TICRR: variants seen among roughly 807,000 people sequenced by gnomAD.
TICRR encodes the protein treslin.
TICRR carries 132 observed loss-of-function variants against 178.1 expected under a neutral mutation model. That is an observed-to-expected ratio of 0.74 (90% CI 0.64 to 0.86). The LOEUF is 0.86. Ranked by LOEUF, TICRR falls within the 40% of genes least tolerant of loss-of-function variation. TICRR has a pLI of 0.00. For missense variants in TICRR, 2,587 were observed against 2,334.3 expected, an observed-to-expected ratio of 1.11 and a Z score of -2.23; for synonymous variants, 991 against 900.7, an observed-to-expected ratio of 1.10 and a Z score of -1.79.
In TICRR at chr15:89,611,721, C is replaced by A. The variant is rs569036797; in HGVS notation, c.2869+2772C>A. ...TGGATAATTTCAATTACCTTATCTT[C>A]ACGTTCACTGATTCTTCTGCCAGCT... On this transcript the variant is annotated intron_variant, in intron 15 of 21. Coordinates refer to ENST00000268138, the MANE Select transcript of TICRR (RefSeq NM_152259.4). Among the ~76,000 whole-genome samples, 8 of 151,968 alleles carry A rather than the reference C, an allele frequency of 5.3e-5. No homozygotes were observed. The South Asian group carries it at 1.7e-3, about 32-fold the overall frequency.
In TICRR at chr15:89,576,255, T is replaced by C; in HGVS notation, c.654+15T>C. The C allele has an allele frequency of 6.5e-7, 1 of 1,529,928 alleles. No homozygotes were observed. Among genetic ancestry groups the C allele is most frequent in the Non-Finnish European group, 8.7e-7 (1 of 1,143,576 alleles). The allele number at this position is 1,529,928 out of a possible 1,614,324, so 94.8% of individuals were successfully genotyped here. ...AATGGTCTAAGGTAAGGAAGGTTACTGTCGTCTCAGATGGCGTGCACGGTG... is the reference window on the plus strand; with the variant it reads ...AATGGTCTAAGGTAAGGAAGGTTACCGTCGTCTCAGATGGCGTGCACGGTG... On this transcript the variant is annotated intron_variant, in intron 1 of 21. Transcript: ENST00000268138.
intron 3 of TICRR, among the ~76,000 whole-genome samples, 196 bp from the exon 4 acceptor site, chr15:89,585,512 T>C (rs1057160174): frequency 9.2e-5 from 14 of 152,196 alleles, no homozygotes; most frequent in Non-Finnish European, 1.6e-4. Context: ...AGGTTTTACT[T>C]ATTTGTAAGT....
intron 15 of TICRR, among the ~76,000 whole-genome samples, chr15:89,615,524 A>G (rs1273193788): frequency 6.6e-6 from 1 of 152,196 alleles, no homozygotes; most frequent in African/African-American, 2.4e-5. Context: ...CAAACCTTTA[A>G]TTAATGTTCA....
chr15:89,596,117 C>G (rs879351324), intron 7 of TICRR, among the ~76,000 whole-genome samples: 2 of 152,080 alleles, frequency 1.3e-5, no homozygotes, highest in Admixed American at 1.3e-4. Context: ...TAGACCTGCA[C>G]AATAGTGGGC....
chr15:89,594,408 T>C lies in TICRR; in HGVS notation c.1542-7T>C. 1 of 1,598,356 alleles carries C rather than the reference T, an allele frequency of 6.3e-7. No individual in the cohort carries two copies. ...TTGGTTTTATTCTAGACATCTTGAC[T>C]TCACAGGTTACTACAGGCTGCCTCA... On this transcript the variant is annotated splice_polypyrimidine_tract_variant and splice_region_variant and intron_variant, in intron 5 of 21. Coordinates refer to ENST00000268138, the MANE Select transcript of TICRR (RefSeq NM_152259.4).
At position 89,627,485 on chromosome 15, in the gene TICRR, C is replaced by T. The variant is rs999427892; in HGVS notation, c.*399C>T. The T allele has an allele frequency of 3.9e-5, 8 of 203,472 alleles. No individual in the cohort carries two copies. The highest frequency in any genetic ancestry group is 6.9e-5 in the Non-Finnish European group (7 of 101,204). The allele number at this position is 203,472 out of a possible 1,614,324, so 12.6% of individuals were successfully genotyped here. A position where few individuals can be genotyped will look rare whatever the true frequency, so the allele number is the denominator to read the frequency against. Reference sequence around the variant, plus strand: ...GCTGTAAGGCTGGGCTGCTGCGACACAGGCAGCGCTTTGTAAACTGTGAAG... The same window carrying T: ...GCTGTAAGGCTGGGCTGCTGCGACATAGGCAGCGCTTTGTAAACTGTGAAG... On this transcript the variant is annotated 3_prime_UTR_variant, in exon 22 of 22. Coordinates refer to ENST00000268138, the MANE Select transcript of TICRR (RefSeq NM_152259.4).
chr15:89,576,021 C>T lies in TICRR; in HGVS notation c.435C>T (p.Ala145=), dbSNP rs1363396867. 6.2e-7 allele frequency: 1 copy of T among 1,609,414 alleles called. No homozygotes were observed. Among genetic ancestry groups the T allele is most frequent in the Non-Finnish European group, 8.5e-7 (1 of 1,178,750 alleles). The change falls in exon 1 of 22, where the codon GCC becomes GCT. Residue 145 remains alanine (A), a synonymous_variant. Transcript: ENST00000268138. ...AGAGCGAGGCCAAGGAGGCCGAGGCCGCGCTCGGGGGCTTGGTGAACGCCG... is the reference window on the plus strand; with the variant it reads ...AGAGCGAGGCCAAGGAGGCCGAGGCTGCGCTCGGGGGCTTGGTGAACGCCG... ...DVESEAKEAE[A]ALGGLVNAVF...
intron 17 of TICRR, 130 bp from the exon 18 acceptor site, chr15:89,619,578 A>T: frequency 1.0e-6 from 1 of 955,876 alleles, no homozygotes. Flanking sequence ...GAAGTCTCTT[A>T]AAGCTAATAG....
intron 4 of TICRR, 161 bp from the exon 5 acceptor site, chr15:89,591,886 G>T (rs1284278812): frequency 1.9e-6 from 1 of 514,764 alleles, no homozygotes; most frequent in Non-Finnish European, 3.4e-6. Flanking sequence ...TACCACATAG[G>T]CCTGTAGCAG....
intron 1 of TICRR, among the ~76,000 whole-genome samples, chr15:89,577,749 T>A (rs62023108): frequency 3.4e-4 from 52 of 151,566 alleles, no homozygotes; most frequent in Admixed American, 1.8e-3. Flanking sequence ...GCTGGGATTA[T>A]AAGCGGGCGC....
chr15:89,615,476 C>A, intron 15 of TICRR, among the ~76,000 whole-genome samples: 1 of 152,180 alleles, frequency 6.6e-6, no homozygotes, highest in East Asian at 1.9e-4. Flanking sequence ...TCCTGAGATT[C>A]AACCATTTTT....
rs1274752040 is a variant in TICRR at position 89,595,380 on chromosome 15, G to A, written c.1682-13G>A. 1.9e-6 allele frequency: 3 copies of A among 1,598,920 alleles called. No individual in the cohort carries two copies. The South Asian group carries it at 3.3e-5, about 18-fold the overall frequency. Reference sequence around the variant, plus strand: ...GGCAATTTACTTTCCCTCCTCTGATGTTGTTTTGGTAGGAGGGGTCCCTCG... The same window carrying A: ...GGCAATTTACTTTCCCTCCTCTGATATTGTTTTGGTAGGAGGGGTCCCTCG... On this transcript the variant is annotated splice_polypyrimidine_tract_variant and intron_variant, in intron 6 of 21. Coordinates refer to ENST00000268138, the MANE Select transcript of TICRR (RefSeq NM_152259.4).
At chr15:89,613,637 C>G (rs930638507) in intron 15 of TICRR, among the ~76,000 whole-genome samples, 1 of 151,656 alleles carries the variant, frequency 6.6e-6, no homozygotes, top group African/African-American at 2.4e-5. Flanking sequence ...TGGATCATCT[C>G]AATTAACCTT....
intron 15 of TICRR, among the ~76,000 whole-genome samples, chr15:89,610,074 C>A (rs368231077): frequency 2.6e-5 from 4 of 152,230 alleles, no homozygotes; most frequent in South Asian, 2.1e-4. Context: ...ATTCTAGTTT[C>A]ATTCTATTGT....
In TICRR at chr15:89,575,651, G is replaced by A; in HGVS notation, c.65G>A (p.Arg22Gln). 6.4e-7 allele frequency: 1 copy of A among 1,569,316 alleles called. No individual in the cohort carries two copies. Among genetic ancestry groups the A allele is most frequent in the Non-Finnish European group, 8.6e-7 (1 of 1,160,044 alleles). ...DTAGGAARHSRVRRAALRLLT... is the reference protein window; with the variant it reads ...DTAGGAARHSQVRRAALRLLT... ...GCGGGCGGCGCCGCCCGCCACAGCC[G>A]GGTCCGGCGGGCCGCCCTGCGCCTC... Residue 22 changes from arginine to glutamine, a missense_variant, in exon 1 of 22, where the codon CGG (arginine) becomes CAG (glutamine). Physicochemically the swap from Arg to Gln is conservative, Grantham distance 43 (BLOSUM62 1). Transcript: ENST00000268138.
chr15:89,581,186 C>A (rs753120931), intron 1 of TICRR, among the ~76,000 whole-genome samples: 10 of 152,100 alleles, frequency 6.6e-5, no homozygotes, highest in African/African-American at 2.4e-4. Flanking sequence ...AGTTGACTTT[C>A]GAGACCCTTC....
At chr15:89,606,575 GTTTT>G (rs1221035586) in intron 13 of TICRR, among the ~76,000 whole-genome samples, 189 bp from the exon 14 acceptor site, 1 of 152,048 alleles carries the variant, frequency 6.6e-6, no homozygotes, top group African/African-American at 2.4e-5. Flanking sequence ...CATTTATAGT[GTTTT>G]TTATTTTGTG....
chr15:89,610,346 C>T (rs1963238143), intron 15 of TICRR, among the ~76,000 whole-genome samples: 1 of 151,676 alleles, frequency 6.6e-6, no homozygotes, highest in South Asian at 2.1e-4. Context: ...TTTATTTCTC[C>T]CTTCAGTTCT....
Position 89,626,987 on chromosome 15 carries a change from A to G in TICRR, c.5634A>G (p.Val1878=). 1 of 1,614,118 alleles carries G rather than the reference A, an allele frequency of 6.2e-7. No individual in the cohort carries two copies. The highest frequency in any genetic ancestry group is 8.5e-7 in the Non-Finnish European group (1 of 1,180,022). The change falls in exon 22 of 22, where the codon GTA becomes GTG. Residue 1878 remains valine, a synonymous_variant. Coordinates refer to ENST00000268138, the MANE Select transcript of TICRR (RefSeq NM_152259.4). The part of the protein sequence containing the change: ...DEDVDVLPST[V]EDSPFSRAFS... Reference sequence around the variant, plus strand: ...ATGTGGATGTTCTTCCCTCCACTGTAGAAGACTCTCCTTTCAGTCGCGCTT... The same window carrying G: ...ATGTGGATGTTCTTCCCTCCACTGTGGAAGACTCTCCTTTCAGTCGCGCTT...
Sources: allele counts gnomAD v4.1 joint callset (sites outside exome capture counted in the v4.1 genomes callset), GRCh38; gene constraint gnomAD v4.1.1; transcripts MANE v1.5; gene names NCBI Gene and HGNC (gene_info 2026-07-23, HGNC 2026-07-21).